The following CPLX1 variants were observed in gnomAD, a reference collection of about 807,000 sequenced individuals.
CPLX1 encodes the protein complexin-1.
Under a neutral mutation model 15.6 loss-of-function variants are expected in CPLX1, and 6 were observed. The observed-to-expected ratio is 0.39, with a 90% CI of 0.21 to 0.76. CPLX1 has a LOEUF of 0.76. Among genes scored for constraint, CPLX1 ranks in the 30% least tolerant of loss-of-function variants. The pLI, the probability that CPLX1 is intolerant of heterozygous loss-of-function variation, is 0.43. For synonymous variants in CPLX1, 91 were observed against 75.2 expected (o/e 1.21, Z -1.08); for missense variants, 242 against 188.6 (o/e 1.28, Z -1.66).
chr4:797,174 C>T (rs77947016), intron 2 of CPLX1, among the ~76,000 whole-genome samples: 1 of 152,186 alleles, frequency 6.6e-6, no homozygotes, highest in Admixed American at 6.5e-5. Context: ...CTCTCTGGCC[C>T]GTCACCAGCT....
At chr4:787,271 G>C in intron 3 of CPLX1, 30 of 985,330 alleles carry the variant, frequency 3.0e-5, no homozygotes, top group Non-Finnish European at 3.6e-5. Context: ...TCCAGGCACT[G>C]GGTGTCCTGG....
chr4:789,508 G>A (rs902358000), intron 3 of CPLX1, among the ~76,000 whole-genome samples: 6 of 152,218 alleles, frequency 3.9e-5, no homozygotes, highest in South Asian at 4.1e-4. Context: ...TGGGAGCTGC[G>A]GGGGGTAGGG....
At chr4:795,966 C>G (rs921423565) in intron 2 of CPLX1, among the ~76,000 whole-genome samples, 1 of 152,142 alleles carries the variant, frequency 6.6e-6, no homozygotes, top group Non-Finnish European at 1.5e-5. Context: ...AGCCCTGAGG[C>G]TCTTCCCGGG....
intron 2 of CPLX1, among the ~76,000 whole-genome samples, chr4:800,228 G>C (rs1403338356): frequency 2.0e-5 from 3 of 152,128 alleles, no homozygotes; most frequent in Non-Finnish European, 4.4e-5. Context: ...TGTGGAGTGA[G>C]GGCAAAGGGA....
chr4:797,605 C>T lies in CPLX1; in HGVS notation c.32-4997G>A, dbSNP rs1746366732. 3.3e-5 allele frequency among the ~76,000 whole-genome samples: 5 copies of T among 149,436 alleles called. 1 individual carries two copies. In the South Asian group the frequency reaches 9.1e-4, roughly 27 times the overall value. On this transcript the variant is annotated intron_variant, in intron 2 of 3. Transcript: ENST00000304062. ...CCTCCCAAAGTGCTGGGATTACAAG[C>T]GTGAGCCACTGAGCCTGGCCACAAC... is the stretch of plus-strand genomic sequence containing the variant.
In CPLX1 at chr4:785,632, C is replaced by T. The variant is rs2152640381; in HGVS notation, c.*869G>A. Reference sequence around the variant, plus strand: ...GCTGCGCGCAGGGAACCCCGCAGGCCCCACCCGAGGAGCTGCCCACGGAGG... The same window carrying T: ...GCTGCGCGCAGGGAACCCCGCAGGCTCCACCCGAGGAGCTGCCCACGGAGG... On this transcript the variant is annotated 3_prime_UTR_variant, in exon 4 of 4. Coordinates refer to ENST00000304062, the MANE Select transcript of CPLX1 (RefSeq NM_006651.4). 1 of 152,576 alleles carries T rather than the reference C, an allele frequency of 6.6e-6. No individual in the cohort carries two copies. Among genetic ancestry groups the T allele is most frequent in the South Asian group, 2.1e-4 (1 of 4,830 alleles). The allele number at this position is 152,576 out of a possible 1,614,324, so 9.5% of individuals were successfully genotyped here.
At chr4:803,712 C>A (rs1441452385) in intron 2 of CPLX1, among the ~76,000 whole-genome samples, 2 of 151,782 alleles carry the variant, frequency 1.3e-5, no homozygotes, top group African/African-American at 4.8e-5. Flanking sequence ...GACCTGTTGT[C>A]CAGACTGGAG....
intron 2 of CPLX1, among the ~76,000 whole-genome samples, chr4:800,250 A>C (rs191650225): frequency 1.2e-4 from 18 of 152,290 alleles, no homozygotes; most frequent in Admixed American, 4.6e-4. Flanking sequence ...AAACAGTTTG[A>C]GTTTTTCTTA....
At chr4:809,362 G>C (rs1746618541) in intron 2 of CPLX1, among the ~76,000 whole-genome samples, 1 of 152,208 alleles carries the variant, frequency 6.6e-6, no homozygotes, top group Non-Finnish European at 1.5e-5. Context: ...GGGGCCCTAT[G>C]GCTGCCAAGC....
intron 2 of CPLX1, among the ~76,000 whole-genome samples, chr4:812,962 G>A (rs973385150): frequency 6.6e-6 from 1 of 151,970 alleles, no homozygotes; most frequent in Admixed American, 6.6e-5. Flanking sequence ...ACCCCACTAA[G>A]ATGGGAGTAA....
Position 824,455 on chromosome 4 carries a change from C to T in CPLX1, c.31+37G>A, listed in dbSNP as rs769496712. On this transcript the variant is annotated intron_variant, in intron 2 of 3. Coordinates refer to ENST00000304062, the MANE Select transcript of CPLX1 (RefSeq NM_006651.4). ...GCTGCTGTGGTGGTCTCTCCATGTC[C>T]CCTCAGCCCCTCCCCACCCCACCTC... The T allele has an allele frequency of 2.5e-6, 4 of 1,584,910 alleles. No individual in the cohort carries two copies. The Admixed American group carries it at 5.0e-5, about 20-fold the overall frequency.
chr4:815,373 C>T (rs574940543), intron 2 of CPLX1, among the ~76,000 whole-genome samples: 113 of 143,746 alleles, frequency 7.9e-4, no homozygotes, highest in Non-Finnish European at 1.5e-3. Flanking sequence ...ATTGTGCCAC[C>T]GCACTCCAGC....
intron 3 of CPLX1, among the ~76,000 whole-genome samples, chr4:789,143 C>G (rs368741783): frequency 6.6e-6 from 1 of 152,208 alleles, no homozygotes. Flanking sequence ...GTCACTCTGC[C>G]GGGAAAACAG....
intron 3 of CPLX1, chr4:787,634 G>A (rs1202552998): frequency 1.0e-5 from 10 of 958,932 alleles, no homozygotes; most frequent in African/African-American, 1.8e-5. Context: ...GCCGCCAGAC[G>A]CAGGAAGGGG....
At chr4:795,401 T>A (rs1312167026) in intron 2 of CPLX1, among the ~76,000 whole-genome samples, 1 of 152,130 alleles carries the variant, frequency 6.6e-6, no homozygotes, top group Non-Finnish European at 1.5e-5. Flanking sequence ...GCATCCCGCA[T>A]CCGCAGGAGG....
chr4:793,533 C>T (rs949780726), intron 2 of CPLX1, among the ~76,000 whole-genome samples: 1 of 152,208 alleles, frequency 6.6e-6, no homozygotes, highest in Admixed American at 6.5e-5. Flanking sequence ...CCCTGGCCCT[C>T]GGCAGCTCCA....
At chr4:787,173 A>T (rs1430733187) in intron 3 of CPLX1, 1 of 985,256 alleles carries the variant, frequency 1.0e-6, no homozygotes, top group South Asian at 4.7e-5. Context: ...GGCTGCCTGG[A>T]TGCGGCCGCG....
At chr4:800,849 G>GTATATATATATATATATATA (rs763825494) in intron 2 of CPLX1, among the ~76,000 whole-genome samples, 2 of 131,688 alleles carry the variant, frequency 1.5e-5, no homozygotes, top group African/African-American at 5.6e-5. Context: ...GTATATATAT[G>GTATATATATATATATATATA]TATATATATA....
rs1745987682 is a variant in CPLX1 at position 786,366 on chromosome 4, G to A, written c.*135C>T. 1.0e-6 allele frequency: 1 copy of A among 970,524 alleles called. No homozygotes were observed. The highest frequency in any genetic ancestry group is 1.4e-6 in the Non-Finnish European group (1 of 712,476). The allele number at this position is 970,524 out of a possible 1,614,324, so 60.1% of individuals were successfully genotyped here. A position where few individuals can be genotyped will look rare whatever the true frequency, so the allele number is the denominator to read the frequency against. ...CCTTGCCGGGTGAGGGAGGCGGCGG[G>A]CGCGGGCAGGGCGGGCCTGGGGCTA... is the stretch of plus-strand genomic sequence containing the variant. On this transcript the variant is annotated 3_prime_UTR_variant, in exon 4 of 4. Coordinates refer to ENST00000304062, the MANE Select transcript of CPLX1 (RefSeq NM_006651.4).
Sources: allele counts gnomAD v4.1 joint callset (sites outside exome capture counted in the v4.1 genomes callset), GRCh38; gene constraint gnomAD v4.1.1; transcripts MANE v1.5; gene names NCBI Gene and HGNC (gene_info 2026-07-23, HGNC 2026-07-21).